POLR2F: variants seen among roughly 807,000 people sequenced by gnomAD.
POLR2F encodes the protein DNA-directed RNA polymerases I, II, and III subunit RPABC2.
Under a neutral mutation model 22.7 loss-of-function variants are expected in POLR2F, and 12 were observed. That is an observed-to-expected ratio of 0.53 (90% CI 0.34 to 0.86). POLR2F has a LOEUF of 0.86. POLR2F is among the 40% of genes least tolerant of loss of function. The pLI is 0.02. For synonymous variants in POLR2F, 57 were observed against 66.0 expected (o/e 0.86, Z 0.66); for missense variants, 126 against 171.5 (o/e 0.73, Z 1.48).
intron 1 of POLR2F, among the ~76,000 whole-genome samples, chr22:37,990,349 C>G (rs1932699561): frequency 6.6e-6 from 1 of 152,258 alleles, no homozygotes; most frequent in African/African-American, 2.4e-5. Context: ...TCCATCCTTT[C>G]TGGAAACCAG....
chr22:38,001,861 T>G (rs2084773383), intron 1 of POLR2F, among the ~76,000 whole-genome samples: 1 of 151,624 alleles, frequency 6.6e-6, no homozygotes, highest in Admixed American at 6.6e-5. Context: ...GGAGTCTCAC[T>G]CTGGTGCCCA....
At position 38,017,809 on chromosome 22, in the gene POLR2F, C is replaced by A. The variant is rs1279990511; in HGVS notation, c.121-8060C>A. On this transcript the variant is annotated intron_variant, in intron 1 of 2. Coordinates refer to the POLR2F transcript ENST00000333418. This position sits in a 1 kb window ranked among gnomAD's most constrained non-coding sequence, Gnocchi z 4.1. ...GCCCAGCCCAGGCGTTTGGGAAGTT[C>A]TTTCTGAACTCTGTCTCCCTGCAGC... Among the ~76,000 whole-genome samples the A allele has an allele frequency of 2.6e-5, 4 of 152,208 alleles. No homozygotes were observed. The highest frequency in any genetic ancestry group is 9.6e-5 in the African/African-American group (4 of 41,452).
chr22:38,022,652 T>C (rs1032347034), intron 1 of POLR2F, among the ~76,000 whole-genome samples: 6 of 152,012 alleles, frequency 3.9e-5, no homozygotes, highest in African/African-American at 1.5e-4. Flanking sequence ...CTAAGTTATA[T>C]ACATGTTTTA....
At chr22:37,982,837 C>G (rs546665093), upstream of POLR2F, among the ~76,000 whole-genome samples, 9 of 152,296 alleles carry the variant, frequency 5.9e-5, no homozygotes, top group East Asian at 9.7e-4. Flanking sequence ...CCCGCAGCAG[C>G]AGATTTGTCC....
chr22:37,992,001 G>A (rs73415898), intron 1 of POLR2F, among the ~76,000 whole-genome samples: 3,163 of 152,294 alleles, frequency 0.021, 113 homozygotes, highest in African/African-American at 0.072. Flanking sequence ...ATGAGCATGC[G>A]CTCCTGAGTT....
chr22:37,992,535 C>T (rs1309168475), intron 1 of POLR2F, among the ~76,000 whole-genome samples: 1 of 152,096 alleles, frequency 6.6e-6, no homozygotes, highest in Non-Finnish European at 1.5e-5. Context: ...GCTGGGATTA[C>T]AAGTGCACAT....
intron 5 of POLR2F, among the ~76,000 whole-genome samples, chr22:38,035,268 C>A (rs1371190857): frequency 6.6e-6 from 1 of 152,188 alleles, no homozygotes; most frequent in African/African-American, 2.4e-5. Flanking sequence ...ACAACAGGCG[C>A]CTCCGAGGCC....
At chr22:37,983,249 G>A (rs1932455293), upstream of POLR2F, 1 of 1,291,976 alleles carries the variant, frequency 7.7e-7, no homozygotes, top group Non-Finnish European at 1.1e-6. The surrounding 1 kb of genome is among the most constrained non-coding windows in gnomAD (Gnocchi z 9.5). Flanking sequence ...ATCCAAGGAG[G>A]ACTGCCAGAC....
chr22:38,005,615 G>C (rs2145804052), intron 1 of POLR2F, among the ~76,000 whole-genome samples: 1 of 152,360 alleles, frequency 6.6e-6, no homozygotes, highest in East Asian at 1.9e-4. Flanking sequence ...GAAGGCAGTT[G>C]GTGATAGATC....
chr22:37,993,968 G>T (rs957519987), intron 1 of POLR2F, among the ~76,000 whole-genome samples: 1 of 152,160 alleles, frequency 6.6e-6, no homozygotes, highest in African/African-American at 2.4e-5. Flanking sequence ...CAGCCTGGGC[G>T]ACAGAGCAAG....
intron 1 of POLR2F, among the ~76,000 whole-genome samples, chr22:37,990,477 C>T (rs1202812841): frequency 3.3e-5 from 5 of 152,272 alleles, no homozygotes; most frequent in Non-Finnish European, 7.3e-5. Context: ...GCTGGAATGC[C>T]CTTCCTGGCG....
chr22:38,034,810 G>A (rs2085099336), intron 5 of POLR2F, among the ~76,000 whole-genome samples: 1 of 152,206 alleles, frequency 6.6e-6, no homozygotes, highest in South Asian at 2.1e-4. Context: ...TGGGGGCAGG[G>A]CTTGAGCAGA....
chr22:37,982,213 CAG>C (rs893241751), upstream of POLR2F, among the ~76,000 whole-genome samples: 1 of 152,230 alleles, frequency 6.6e-6, no homozygotes, highest in African/African-American at 2.4e-5. Context: ...GTCCTCTGGA[CAG>C]AGAGTATGGG....
intron 3 of POLR2F, among the ~76,000 whole-genome samples, chr22:37,965,417 G>A (rs1024088666): frequency 9.2e-5 from 14 of 152,234 alleles, no homozygotes; most frequent in African/African-American, 3.4e-4. Context: ...GATGGTTGAT[G>A]TGTTTCTCTG....
chr22:38,000,138 C>T (rs907264528), intron 1 of POLR2F, among the ~76,000 whole-genome samples: 2 of 152,216 alleles, frequency 1.3e-5, no homozygotes, highest in Admixed American at 1.3e-4. Flanking sequence ...CCTCCCCTGA[C>T]GGCATGGTGC....
intron 1 of POLR2F, among the ~76,000 whole-genome samples, chr22:38,007,206 A>T (rs1316104082): frequency 1.3e-5 from 2 of 152,130 alleles, no homozygotes; most frequent in African/African-American, 4.8e-5. Flanking sequence ...GAGAGAGACC[A>T]TGTCTCCGGC....
intron 3 of POLR2F, among the ~76,000 whole-genome samples, chr22:37,961,053 G>C (rs1168956653): frequency 6.8e-6 from 1 of 147,756 alleles, no homozygotes; most frequent in African/African-American, 2.5e-5. Context: ...GTTTCACGGT[G>C]TTAGTCAGGA....
intron 4 of POLR2F, among the ~76,000 whole-genome samples, chr22:37,981,065 T>C (rs1451589737): frequency 6.6e-6 from 1 of 152,224 alleles, no homozygotes. Context: ...TTAGAATGAC[T>C]GTTGGGGCTG....
intron 1 of POLR2F, chr22:37,987,398 G>A (rs749260646): frequency 2.1e-5 from 9 of 421,666 alleles, no homozygotes; most frequent in African/African-American, 6.1e-5. Flanking sequence ...AGCTGCCTCC[G>A]GTCAGCAGTG....
Sources: gnomAD v4.1 joint callset for allele counts (sites outside exome capture counted in the v4.1 genomes callset) on GRCh38, gnomAD v4.1.1 for gene constraint, Gnocchi (gnomAD v3.1) non-coding constraint, MANE v1.5 for transcripts, NCBI Gene and HGNC (gene_info 2026-07-23, HGNC 2026-07-21) for gene names.